Variants in CCSER1 observed in about 807,000 individuals in gnomAD.
The protein encoded by CCSER1 is coiled-coil serine rich protein 1, also known as serine-rich coiled-coil domain-containing protein 1.
A neutral mutation model predicts 82.0 loss-of-function variants in CCSER1; 41 were observed. The observed-to-expected ratio is 0.50, with a 90% CI of 0.39 to 0.65. CCSER1 has a LOEUF of 0.65. Among genes scored for constraint, CCSER1 ranks in the 30% least tolerant of loss-of-function variants. The pLI, the probability that CCSER1 is intolerant of heterozygous loss-of-function variation, is 0.00. For synonymous variants in CCSER1, 414 were observed against 383.9 expected (o/e 1.08, Z -0.92); for missense variants, 1,119 against 1,064.2 (o/e 1.05, Z -0.72).
At chr4:90,576,516 A>G (rs560583442) in intron 5 of CCSER1, among the ~76,000 whole-genome samples, 30 of 152,168 alleles carry the variant, frequency 2.0e-4, no homozygotes, top group African/African-American at 7.2e-4. Flanking sequence ...TCTTTGTTCT[A>G]CTTATTTATC....
chr4:91,208,892 G>C (rs1187168112), intron 10 of CCSER1, among the ~76,000 whole-genome samples: 1 of 151,878 alleles, frequency 6.6e-6, no homozygotes, highest in Non-Finnish European at 1.5e-5. Context: ...ATTTCTTTGA[G>C]CAGTGTCTTG....
At chr4:91,124,423 T>G (rs1727332464) in intron 10 of CCSER1, among the ~76,000 whole-genome samples, 1 of 151,692 alleles carries the variant, frequency 6.6e-6, no homozygotes, top group South Asian at 2.1e-4. Context: ...TACATATTAT[T>G]TTTTTCCCAA....
chr4:90,988,932 A>G (rs150414501), intron 9 of CCSER1, among the ~76,000 whole-genome samples: 105 of 151,894 alleles, frequency 6.9e-4, no homozygotes, highest in African/African-American at 2.1e-3. Flanking sequence ...TAAACTAATC[A>G]ACAGACTTGG....
rs954025266 is a variant in CCSER1 at position 91,096,441 on chromosome 4, C to T, written c.2217+10447C>T. Among the ~76,000 whole-genome samples the T allele has an allele frequency of 5.3e-5, 8 of 152,220 alleles. No homozygotes were observed. In the East Asian group the frequency reaches 1.5e-3, roughly 29 times the overall value. The stretch of plus-strand genomic sequence containing the variant: ...CTTTCCTTAACTAACTGTCCCTTTG[C>T]TACTAGTACTGCTGCTGCCTGTCCC... On this transcript the variant is annotated intron_variant, in intron 10 of 10. Coordinates refer to ENST00000509176, the MANE Select transcript of CCSER1 (RefSeq NM_001145065.2).
chr4:90,727,765 G>A (rs1743932814), intron 7 of CCSER1, among the ~76,000 whole-genome samples: 1 of 152,130 alleles, frequency 6.6e-6, no homozygotes, highest in African/African-American at 2.4e-5. Context: ...CATGAGCCAT[G>A]TTCTTTTTGC....
chr4:90,404,388 G>C (rs914783418), intron 4 of CCSER1, among the ~76,000 whole-genome samples: 5 of 152,068 alleles, frequency 3.3e-5, no homozygotes, highest in African/African-American at 7.2e-5. Context: ...TACCCTCCCT[G>C]GTGGCCTAAG....
intron 10 of CCSER1, among the ~76,000 whole-genome samples, chr4:91,217,742 A>G (rs2149094599): frequency 6.6e-6 from 1 of 152,046 alleles, no homozygotes; most frequent in East Asian, 1.9e-4. Context: ...AGCTAGACAT[A>G]AAGGTTCTCC....
intron 10 of CCSER1, among the ~76,000 whole-genome samples, chr4:91,200,899 T>C (rs1307431732): frequency 6.6e-6 from 1 of 152,036 alleles, no homozygotes; most frequent in African/African-American, 2.4e-5. Context: ...AAAGTTATGT[T>C]GTTTATTAAT....
At chr4:90,173,214 G>T (rs930354767) in intron 1 of CCSER1, among the ~76,000 whole-genome samples, 2 of 151,792 alleles carry the variant, frequency 1.3e-5, no homozygotes, top group Admixed American at 1.3e-4. Flanking sequence ...GTAAAATATT[G>T]CTGAAGAAGT....
chr4:91,203,569 A>G (rs572542506), intron 10 of CCSER1, among the ~76,000 whole-genome samples: 1 of 151,868 alleles, frequency 6.6e-6, no homozygotes, highest in Non-Finnish European at 1.5e-5. Flanking sequence ...TTAGTAAAAT[A>G]GATCTGTATA....
chr4:90,807,592 TG>T (rs1757685091), intron 7 of CCSER1, among the ~76,000 whole-genome samples: 1 of 151,684 alleles, frequency 6.6e-6, no homozygotes. Flanking sequence ...TAAAAGTTTC[TG>T]GGTAAAATAA....
chr4:91,590,887 G>A (rs1348333117), intron 10 of CCSER1, among the ~76,000 whole-genome samples: 1 of 151,940 alleles, frequency 6.6e-6, no homozygotes, highest in Non-Finnish European at 1.5e-5. Flanking sequence ...TCTCATAATG[G>A]CTATAAATGA....
intron 10 of CCSER1, among the ~76,000 whole-genome samples, chr4:91,377,455 G>T (rs1354806135): frequency 6.6e-6 from 1 of 152,184 alleles, no homozygotes; most frequent in African/African-American, 2.4e-5. Flanking sequence ...ACTGGTGTGA[G>T]ATGGTATCTC....
intron 10 of CCSER1, among the ~76,000 whole-genome samples, chr4:91,443,529 A>G (rs1263505208): frequency 6.7e-6 from 1 of 148,610 alleles, no homozygotes; most frequent in African/African-American, 2.5e-5. Flanking sequence ...GGGGAGGGAT[A>G]GCATTAGGAG....
At chr4:90,441,022 C>T (rs1318746064) in intron 4 of CCSER1, among the ~76,000 whole-genome samples, 2 of 151,764 alleles carry the variant, frequency 1.3e-5, no homozygotes, top group Non-Finnish European at 1.5e-5. Flanking sequence ...GCACAAGGGA[C>T]GAGGGAAGAC....
At chr4:90,561,447 A>G (rs1244533481) in intron 5 of CCSER1, among the ~76,000 whole-genome samples, 1 of 152,182 alleles carries the variant, frequency 6.6e-6, no homozygotes, top group Non-Finnish European at 1.5e-5. Context: ...AAAATCTCAT[A>G]TAGTCAAATA....
chr4:90,844,340 A>G (rs1762941746), intron 8 of CCSER1, among the ~76,000 whole-genome samples: 1 of 152,138 alleles, frequency 6.6e-6, no homozygotes, highest in Admixed American at 6.5e-5. Flanking sequence ...AGCCTAAGGC[A>G]TTGATTCACA....
chr4:90,861,919 TA>T (rs1470301450), intron 8 of CCSER1, among the ~76,000 whole-genome samples: 61 of 123,564 alleles, frequency 4.9e-4, no homozygotes, highest in African/African-American at 1.2e-3. Context: ...TATATATATA[TA>T]TATATATTTT....
At chr4:90,787,932 G>A (rs1754732210) in intron 7 of CCSER1, among the ~76,000 whole-genome samples, 1 of 152,188 alleles carries the variant, frequency 6.6e-6, no homozygotes, top group Non-Finnish European at 1.5e-5. Flanking sequence ...ATGATTAGAT[G>A]AGTATAGTGT....
Sources: gnomAD v4.1 joint callset for allele counts (sites outside exome capture counted in the v4.1 genomes callset) on GRCh38, gnomAD v4.1.1 for gene constraint, MANE v1.5 for transcripts, NCBI Gene and HGNC (gene_info 2026-07-23, HGNC 2026-07-21) for gene names.